Variants in PIK3C2G observed in about 807,000 individuals in gnomAD.
PIK3C2G encodes phosphatidylinositol 3-kinase C2 domain-containing subunit gamma.
PIK3C2G carries 168 observed loss-of-function variants against 181.1 expected under a neutral mutation model. That is an observed-to-expected ratio of 0.93 (90% CI 0.82 to 1.05). The LOEUF is 1.05. PIK3C2G is among the 50% of genes least tolerant of loss of function. The pLI is 0.00. For synonymous variants in PIK3C2G, 573 were observed against 592.2 expected, an observed-to-expected ratio of 0.97 and a Z score of 0.47; for missense variants, 1,869 against 1,732.8, an observed-to-expected ratio of 1.08 and a Z score of -1.40.
chr12:18,268,394 A>T (rs1171258385), intron 1 of PIK3C2G, among the ~76,000 whole-genome samples: 1 of 152,032 alleles, frequency 6.6e-6, no homozygotes, highest in Non-Finnish European at 1.5e-5. Flanking sequence ...TATTGTTATT[A>T]TTATTATTAT....
chr12:18,624,626 A>G (rs1949009995), intron 31 of PIK3C2G, among the ~76,000 whole-genome samples: 1 of 151,550 alleles, frequency 6.6e-6, no homozygotes, highest in Non-Finnish European at 1.5e-5. Flanking sequence ...TTATTTCTTC[A>G]TTAAATATTT....
intron 20 of PIK3C2G, among the ~76,000 whole-genome samples, chr12:18,492,708 T>C (rs887650778): frequency 7.9e-5 from 12 of 152,378 alleles, no homozygotes; most frequent in Non-Finnish European, 1.2e-4. Context: ...TTTTTGCTTT[T>C]GCTTTATTGG....
At chr12:18,483,376 G>A (rs923194026) in intron 18 of PIK3C2G, among the ~76,000 whole-genome samples, 9 of 152,108 alleles carry the variant, frequency 5.9e-5, no homozygotes, top group Admixed American at 5.2e-4. Flanking sequence ...GCAACAGATG[G>A]TACATAGGCC....
intron 24 of PIK3C2G, among the ~76,000 whole-genome samples, chr12:18,533,695 A>G (rs1296223486): frequency 6.6e-6 from 1 of 152,114 alleles, no homozygotes; most frequent in Non-Finnish European, 1.5e-5. Flanking sequence ...CAAATCTATT[A>G]TAGAAGCCCA....
At chr12:18,372,292 G>C (rs953237841) in intron 13 of PIK3C2G, among the ~76,000 whole-genome samples, 1 of 151,924 alleles carries the variant, frequency 6.6e-6, no homozygotes, top group Admixed American at 6.6e-5. Flanking sequence ...CTTGAGGACA[G>C]GGAATGTATT....
intron 18 of PIK3C2G, among the ~76,000 whole-genome samples, chr12:18,482,880 G>C (rs770412260): frequency 6.6e-6 from 1 of 152,160 alleles, no homozygotes; most frequent in Non-Finnish European, 1.5e-5. Flanking sequence ...CAAATATGTA[G>C]AGGAGATAAT....
At chr12:18,564,424 T>C (rs1175548989) in intron 28 of PIK3C2G, among the ~76,000 whole-genome samples, 1 of 151,048 alleles carries the variant, frequency 6.6e-6, no homozygotes, top group Non-Finnish European at 1.5e-5. Flanking sequence ...CCTGGCATAC[T>C]TGATACATGT....
At chr12:18,533,727 C>T (rs1019029801) in intron 24 of PIK3C2G, among the ~76,000 whole-genome samples, 1 of 152,044 alleles carries the variant, frequency 6.6e-6, no homozygotes, top group African/African-American at 2.4e-5. Flanking sequence ...TAAATAACTA[C>T]AGTGTATATC....
chr12:18,570,286 G>A (rs956654302), intron 29 of PIK3C2G, among the ~76,000 whole-genome samples: 2 of 150,872 alleles, frequency 1.3e-5, no homozygotes, highest in Admixed American at 6.6e-5. Flanking sequence ...TCGGCTCACC[G>A]CAACCTCTGC....
At chr12:18,444,777 C>T (rs75948277) in intron 18 of PIK3C2G, among the ~76,000 whole-genome samples, 2 of 152,034 alleles carry the variant, frequency 1.3e-5, no homozygotes, top group Non-Finnish European at 1.5e-5. Context: ...TGAGTCCCTT[C>T]GTTTCAGCCA....
At chr12:18,720,635 T>G in the PIK3C2G span, among the ~76,000 whole-genome samples, 1 of 152,036 alleles carries the variant, frequency 6.6e-6, no homozygotes, top group Non-Finnish European at 1.5e-5. Flanking sequence ...CTATTATTAC[T>G]GTTGATAGTT....
At chr12:18,583,969 A>C (rs150168309) in intron 29 of PIK3C2G, among the ~76,000 whole-genome samples, 1 of 152,188 alleles carries the variant, frequency 6.6e-6, no homozygotes, top group Non-Finnish European at 1.5e-5. Flanking sequence ...GAATCACAAT[A>C]AAATAATACA....
chr12:18,316,897 C>T (rs1204893583), intron 6 of PIK3C2G, among the ~76,000 whole-genome samples: 5 of 151,998 alleles, frequency 3.3e-5, no homozygotes, highest in Admixed American at 3.3e-4. Context: ...AGATCTCAGC[C>T]CTCAGGGATT....
chr12:18,354,043 C>T (rs1319530328), intron 11 of PIK3C2G, among the ~76,000 whole-genome samples: 1 of 152,228 alleles, frequency 6.6e-6, no homozygotes, highest in East Asian at 1.9e-4. Context: ...ATATGTGATA[C>T]AAAGCTCATA....
At chr12:18,582,864 C>A (rs1200231839) in intron 29 of PIK3C2G, among the ~76,000 whole-genome samples, 1 of 152,022 alleles carries the variant, frequency 6.6e-6, no homozygotes, top group Non-Finnish European at 1.5e-5. Context: ...AAGGACCTCC[C>A]AGCTGGTATC....
At chr12:18,401,015 C>T (rs1372141774) in intron 16 of PIK3C2G, among the ~76,000 whole-genome samples, 1 of 151,968 alleles carries the variant, frequency 6.6e-6, no homozygotes, top group Non-Finnish European at 1.5e-5. Flanking sequence ...TGTTACTTTA[C>T]ACATTGCATT....
the PIK3C2G span, chr12:18,723,547 TA>T: frequency 1.2e-6 from 2 of 1,606,856 alleles, no homozygotes; most frequent in Non-Finnish European, 8.5e-7. Context: ...ATTGTCCTAC[TA>T]AAAAAATGAC....
intron 13 of PIK3C2G, among the ~76,000 whole-genome samples, chr12:18,379,627 G>A (rs938299856): frequency 6.6e-6 from 1 of 152,204 alleles, no homozygotes; most frequent in Non-Finnish European, 1.5e-5. Context: ...CAGATCCTTT[G>A]CCCTGGTGAC....
chr12:18,528,118 G>C (rs1326587334), intron 24 of PIK3C2G, among the ~76,000 whole-genome samples: 6 of 152,094 alleles, frequency 3.9e-5, no homozygotes, highest in Non-Finnish European at 8.8e-5. Context: ...GGTTTTCTGT[G>C]TTGCTTAATT....
Sources: allele counts gnomAD v4.1 joint callset (sites outside exome capture counted in the v4.1 genomes callset), GRCh38; gene constraint gnomAD v4.1.1; transcripts MANE v1.5; gene names NCBI Gene and HGNC (gene_info 2026-07-23, HGNC 2026-07-21).